The following RYR3 variants were observed in gnomAD, a reference collection of about 807,000 sequenced individuals.
The protein encoded by RYR3 is ryanodine receptor 3.
RYR3 carries 207 observed loss-of-function variants against 584.3 expected under a neutral mutation model. The observed-to-expected ratio is 0.35, with a 90% CI of 0.32 to 0.40. RYR3 has a LOEUF of 0.40. Among genes scored for constraint, RYR3 ranks in the 10% least tolerant of loss-of-function variants. RYR3 has a pLI of 1.00. For synonymous variants in RYR3, 2,416 were observed against 2,248.5 expected (o/e 1.07, Z -2.11); for missense variants, 5,616 against 6,089.2 (o/e 0.92, Z 2.59).
chr15:33,324,775 G>A (rs1969462625), intron 1 of RYR3, among the ~76,000 whole-genome samples: 1 of 152,182 alleles, frequency 6.6e-6, no homozygotes, highest in Non-Finnish European at 1.5e-5. Context: ...TCTCTGCTAA[G>A]TTCCCCTCTC....
At chr15:33,798,580 C>T (rs563213927) in intron 67 of RYR3, among the ~76,000 whole-genome samples, 2 of 152,306 alleles carry the variant, frequency 1.3e-5, no homozygotes, top group East Asian at 3.9e-4. Flanking sequence ...CCAGGAGGCC[C>T]ATCCAACAAC....
intron 8 of RYR3, 48 bp from the exon 9 acceptor site, chr15:33,548,082 C>A: frequency 7.3e-7 from 1 of 1,367,008 alleles, no homozygotes; most frequent in Non-Finnish European, 1.0e-6. Flanking sequence ...CACCCGGGTG[C>A]TGATCAGTGT....
intron 50 of RYR3, among the ~76,000 whole-genome samples, chr15:33,739,585 T>G (rs2069860829): frequency 7.7e-6 from 1 of 130,516 alleles, no homozygotes; most frequent in Non-Finnish European, 1.6e-5. Flanking sequence ...GAGATATTGA[T>G]TTAAGCCTGT....
At chr15:33,748,850 C>T (rs569103077) in intron 55 of RYR3, among the ~76,000 whole-genome samples, 35 of 152,108 alleles carry the variant, frequency 2.3e-4, no homozygotes, top group Non-Finnish European at 3.2e-4. Flanking sequence ...CCAAAACCCA[C>T]GAACGCTCAA....
intron 67 of RYR3, among the ~76,000 whole-genome samples, chr15:33,796,588 G>T (rs2075639382): frequency 6.6e-6 from 1 of 152,154 alleles, no homozygotes; most frequent in South Asian, 2.1e-4. Context: ...ATAAATTTAA[G>T]GGTTACAAGT....
Position 33,579,965 on chromosome 15 carries a change from A to G in RYR3, c.1269-11A>G. On this transcript the variant is annotated splice_polypyrimidine_tract_variant and intron_variant, in intron 12 of 103. Transcript: ENST00000634891. ...CCAGTGCCTAAACCATGTCAATCTC[A>G]TGGTTTTTAGCGGAAACAATCGCAC... is the stretch of plus-strand genomic sequence containing the variant. 1 of 1,602,344 alleles carries G rather than the reference A, an allele frequency of 6.2e-7. No individual in the cohort carries two copies. Among genetic ancestry groups the G allele is most frequent in the Middle Eastern group, 1.7e-4 (1 of 6,006 alleles).
chr15:33,351,006 C>A (rs1006536464), intron 1 of RYR3, among the ~76,000 whole-genome samples: 2 of 151,990 alleles, frequency 1.3e-5, no homozygotes, highest in African/African-American at 2.4e-5. Context: ...AATTGATAGA[C>A]CCCTAGCAAG....
At chr15:33,641,068 G>A (rs1377189955) in intron 27 of RYR3, among the ~76,000 whole-genome samples, 1 of 152,226 alleles carries the variant, frequency 6.6e-6, no homozygotes, top group East Asian at 1.9e-4. Flanking sequence ...GGGGCCTGGA[G>A]CGTGTTGTGG....
At chr15:33,534,915 C>T (rs2055198453) in intron 5 of RYR3, among the ~76,000 whole-genome samples, 1 of 152,140 alleles carries the variant, frequency 6.6e-6, no homozygotes. Context: ...GGCTAGGTAC[C>T]AAACAGGATT....
intron 3 of RYR3, among the ~76,000 whole-genome samples, chr15:33,529,305 C>T (rs1372787612): frequency 6.6e-6 from 1 of 152,060 alleles, no homozygotes; most frequent in South Asian, 2.1e-4. Context: ...TATCTTTTTT[C>T]TCTTCTTTAG....
chr15:33,712,292 T>G (rs565110951), intron 43 of RYR3, among the ~76,000 whole-genome samples: 2 of 152,228 alleles, frequency 1.3e-5, no homozygotes, highest in East Asian at 3.9e-4. Context: ...CAATTCAACA[T>G]GAGATTTGGG....
intron 5 of RYR3, among the ~76,000 whole-genome samples, chr15:33,538,642 C>T (rs2055540382): frequency 6.6e-6 from 1 of 152,172 alleles, no homozygotes; most frequent in Non-Finnish European, 1.5e-5. Context: ...CCTTTTCAAC[C>T]TTTCCACCAG....
At chr15:33,556,285 C>T (rs925609937) in intron 10 of RYR3, among the ~76,000 whole-genome samples, 3 of 152,138 alleles carry the variant, frequency 2.0e-5, no homozygotes, top group African/African-American at 4.8e-5. Context: ...ATACTGATGG[C>T]GTAACTTACA....
chr15:33,829,166 CAG>C (rs2077531469), intron 85 of RYR3, among the ~76,000 whole-genome samples: 1 of 138,864 alleles, frequency 7.2e-6, no homozygotes, highest in Non-Finnish European at 1.6e-5. Flanking sequence ...ACCAACTGCT[CAG>C]AAAAAAAAAA....
Position 33,800,857 on chromosome 15 carries a change from T to A in RYR3, c.9918T>A (p.His3306Gln), listed in dbSNP as rs750129991. ...TCTTCATTCTGTGGTGTAAATCTCA[T>A]GTAAGAACACATTTGGGCCCTGGGT... The part of the protein sequence containing the change: ...AEVFILWCKS[H>Q]NFKREEQNFV... Residue 3306 changes from histidine (H) to glutamine (Q), a missense_variant and splice_region_variant, in exon 68 of 104, where the codon CAT becomes CAA. Physicochemically the swap from His to Gln is conservative, Grantham distance 24. Around this residue, in one of 9 missense-constraint regions of RYR3, gnomAD observed 954 missense variants for 1,132.2 expected, o/e 0.84. Coordinates refer to ENST00000634891, the MANE Select transcript of RYR3 (RefSeq NM_001036.6). 2 of 1,605,996 alleles carry A rather than the reference T, an allele frequency of 1.2e-6. No homozygotes were observed. The highest frequency in any genetic ancestry group is 2.2e-5 in the South Asian group (2 of 90,920).
intron 36 of RYR3, 77 bp from the exon 37 acceptor site, chr15:33,669,277 G>T: frequency 9.5e-7 from 1 of 1,054,402 alleles, no homozygotes; most frequent in Non-Finnish European, 1.4e-6. Context: ...GAATGTAAGT[G>T]TCTGTCTAAG....
At chr15:33,443,444 A>G (rs1253746439) in intron 1 of RYR3, among the ~76,000 whole-genome samples, 2 of 152,180 alleles carry the variant, frequency 1.3e-5, no homozygotes, top group African/African-American at 2.4e-5. Context: ...GTTGTAAACA[A>G]TGGCTAAATT....
chr15:33,783,520 G>A (rs1409202359), intron 65 of RYR3, among the ~76,000 whole-genome samples: 2 of 152,178 alleles, frequency 1.3e-5, no homozygotes, highest in Non-Finnish European at 2.9e-5. Context: ...CATTATAATG[G>A]CTCCAGTGCA....
chr15:33,592,808 G>A (rs910926168), intron 16 of RYR3, among the ~76,000 whole-genome samples: 4 of 152,204 alleles, frequency 2.6e-5, no homozygotes, highest in African/African-American at 9.7e-5. Flanking sequence ...ATCTGAGACA[G>A]GTCTTAGTTA....
Sources: gnomAD v4.1 joint callset for allele counts (sites outside exome capture counted in the v4.1 genomes callset) on GRCh38, gnomAD v4.1.1 for gene constraint, gnomAD v4.1.1 regional missense constraint, MANE v1.5 for transcripts, NCBI Gene and HGNC (gene_info 2026-07-23, HGNC 2026-07-21) for gene names.